ERI3: variants seen among roughly 807,000 people sequenced by gnomAD.
The protein encoded by ERI3 is ERI1 exoribonuclease family member 3.
Under a neutral mutation model 44.4 loss-of-function variants are expected in ERI3, and 18 were observed. The observed-to-expected ratio is 0.41, with a 90% confidence interval of 0.28 to 0.60. ERI3 has a LOEUF of 0.60. Among genes scored for constraint, ERI3 ranks in the 20% least tolerant of loss-of-function variants. The probability of loss-of-function intolerance (pLI) is 0.36; values close to 1 mark genes in which losing one functional copy is unlikely to be tolerated. For synonymous variants in ERI3, 183 were observed against 164.8 expected (o/e 1.11, Z -0.84); for missense variants, 294 against 435.5 (o/e 0.68, Z 2.89).
At chr1:44,281,599 A>ATATAT (rs1197627804) in intron 7 of ERI3, among the ~76,000 whole-genome samples, 23 of 124,310 alleles carry the variant, frequency 1.9e-4, no homozygotes, top group African/African-American at 7.3e-4. Context: ...AAAAAAAAAA[A>ATATAT]AAATATATAT....
rs148781686 is a variant in ERI3 at position 44,296,251 on chromosome 1, AG to A, written c.759-11345del. Among the ~76,000 whole-genome samples, 234 of 152,320 alleles carry A rather than the reference AG, an allele frequency of 1.5e-3. 6 individuals are homozygous for A. In the East Asian group the frequency reaches 0.037, roughly 24 times the overall value. On this transcript the variant is annotated intron_variant, in intron 6 of 8. Transcript: ENST00000372257. ...AGGACAACTGCAGCAATTAGAATGC[AG>A]GGAGGTTCAGAAGCTATTTAACTGG...
intron 2 of ERI3, among the ~76,000 whole-genome samples, chr1:44,346,702 T>C (rs1387526044): frequency 6.6e-6 from 1 of 152,208 alleles, no homozygotes; most frequent in African/African-American, 2.4e-5. Flanking sequence ...GATGGGGAAC[T>C]GCTGTAAAAG....
At chr1:44,229,763 T>C (rs1644132730) in intron 8 of ERI3, among the ~76,000 whole-genome samples, 1 of 5,668 alleles carries the variant, frequency 1.8e-4, no homozygotes, top group Admixed American at 2.4e-3. Context: ...TCTCAGGGGG[T>C]GCATACACCT....
Position 44,221,824 on chromosome 1 carries a change from G to A in ERI3, c.932-184C>T, listed in dbSNP as rs954692609. Among the ~76,000 whole-genome samples, 9 of 152,282 alleles carry A rather than the reference G, an allele frequency of 5.9e-5. No individual in the cohort carries two copies. The highest frequency in any genetic ancestry group is 1.2e-4 in the Non-Finnish European group (8 of 68,022). On this transcript the variant is annotated intron_variant, in intron 8 of 8. Coordinates refer to ENST00000372257, the MANE Select transcript of ERI3 (RefSeq NM_024066.3). The surrounding 1 kb of genome is among the most constrained non-coding windows in gnomAD (Gnocchi z 5.9). ...AGGTTGGTCTGGGTGATGCTGGGCC[G>A]GCAGGAAGCCTGGTCTCGATGCTTC...
intron 3 of ERI3, among the ~76,000 whole-genome samples, chr1:44,334,746 C>T (rs1204375539): frequency 6.6e-6 from 1 of 152,156 alleles, no homozygotes; most frequent in African/African-American, 2.4e-5. Context: ...CAAAAATAAA[C>T]AGCAAAACTG....
chr1:44,293,435 G>A (rs1645549111), intron 6 of ERI3, among the ~76,000 whole-genome samples: 1 of 152,206 alleles, frequency 6.6e-6, no homozygotes, highest in African/African-American at 2.4e-5. Context: ...ATGACCAGCT[G>A]TGCCTTCCTG....
intron 7 of ERI3, among the ~76,000 whole-genome samples, chr1:44,254,698 A>G (rs1644747045): frequency 6.6e-6 from 1 of 152,158 alleles, no homozygotes; most frequent in Non-Finnish European, 1.5e-5. Context: ...TCCTACTTCC[A>G]GAAAGATAAT....
At chr1:44,267,971 G>A (rs1417885939) in intron 7 of ERI3, among the ~76,000 whole-genome samples, 2 of 152,238 alleles carry the variant, frequency 1.3e-5, no homozygotes, top group Non-Finnish European at 2.9e-5. Context: ...GCTCATCGGG[G>A]TAGCTCAAAG....
At chr1:44,250,208 G>A (rs1014232362) in intron 7 of ERI3, among the ~76,000 whole-genome samples, 1 of 152,208 alleles carries the variant, frequency 6.6e-6, no homozygotes, top group African/African-American at 2.4e-5. Flanking sequence ...ACTTGCATTA[G>A]CAGGTGCTGC....
chr1:44,289,965 G>A (rs1645471587), intron 6 of ERI3, among the ~76,000 whole-genome samples: 1 of 152,234 alleles, frequency 6.6e-6, no homozygotes, highest in Non-Finnish European at 1.5e-5. Context: ...ACTGGAAAAG[G>A]CGATGGACAC....
At chr1:44,232,179 C>T (rs983959798) in intron 8 of ERI3, among the ~76,000 whole-genome samples, 36 of 152,012 alleles carry the variant, frequency 2.4e-4, no homozygotes, top group African/African-American at 8.5e-4. Flanking sequence ...CTAACTGATA[C>T]AGAATGTAAA....
chr1:44,222,745 C>T (rs1444089058), intron 8 of ERI3, among the ~76,000 whole-genome samples: 1 of 152,218 alleles, frequency 6.6e-6, no homozygotes. Flanking sequence ...CTTCTCCCAC[C>T]TCCCTTAGAT....
chr1:44,243,815 G>C (rs1644495214), intron 8 of ERI3: 1 of 152,200 alleles, frequency 6.6e-6, no homozygotes, highest in African/African-American at 2.4e-5. Flanking sequence ...AAGCGAGCTT[G>C]TTTTCTTCCA....
At chr1:44,310,955 G>T (rs976620588) in intron 5 of ERI3, among the ~76,000 whole-genome samples, 2 of 72,410 alleles carry the variant, frequency 2.8e-5, no homozygotes, top group Admixed American at 3.4e-4. Flanking sequence ...TGCACATCGC[G>T]CGCGCGCGCA....
At chr1:44,344,064 C>T (rs1446666961) in intron 2 of ERI3, among the ~76,000 whole-genome samples, 1 of 151,840 alleles carries the variant, frequency 6.6e-6, no homozygotes, top group Non-Finnish European at 1.5e-5. Flanking sequence ...CATGGCAAAA[C>T]CCCATCTCTA....
rs140924544 is a variant in ERI3 at position 44,235,284 on chromosome 1, AT to A, written c.931+12654del. ...CTGTTGTACAGCCAAATTCAGGCTC[AT>A]TTGCACCTTGAGTTTTCAAGTCCTC... On this transcript the variant is annotated intron_variant, in intron 8 of 8. Transcript: ENST00000372257. The surrounding 1 kb of genome is among the most constrained non-coding windows in gnomAD (Gnocchi z 4.6). 6.6e-6 allele frequency among the ~76,000 whole-genome samples: 1 copy of A among 152,224 alleles called. No individual in the cohort carries two copies. Among genetic ancestry groups the A allele is most frequent in the African/African-American group, 2.4e-5 (1 of 41,524 alleles).
At chr1:44,290,440 T>C (rs1445830001) in intron 6 of ERI3, among the ~76,000 whole-genome samples, 2 of 152,170 alleles carry the variant, frequency 1.3e-5, no homozygotes, top group Non-Finnish European at 2.9e-5. Context: ...CCACACTTGC[T>C]CATTCCAATA....
intron 6 of ERI3, among the ~76,000 whole-genome samples, chr1:44,301,533 A>T (rs895174616): frequency 6.6e-6 from 1 of 152,194 alleles, no homozygotes; most frequent in African/African-American, 2.4e-5. Context: ...ATAGGACCCA[A>T]ATATGTACTG....
chr1:44,355,048 C>G lies in ERI3; in HGVS notation c.-22G>C. ...CCATGGCAACGCCCCCTCCTCGGGG[C>G]CAGCGCGGCAGGCTCCCTCCAGGTG... On this transcript the variant is annotated 5_prime_UTR_variant, in exon 1 of 9. Transcript: ENST00000372257. 7.3e-7 allele frequency: 1 copy of G among 1,367,216 alleles called. No individual in the cohort carries two copies. The highest frequency in any genetic ancestry group is 2.9e-5 in the East Asian group (1 of 34,964). The allele number at this position is 1,367,216 out of a possible 1,614,324, so 84.7% of individuals were successfully genotyped here.
Sources: gnomAD v4.1 joint callset for allele counts (sites outside exome capture counted in the v4.1 genomes callset) on GRCh38, gnomAD v4.1.1 for gene constraint, Gnocchi (gnomAD v3.1) non-coding constraint, MANE v1.5 for transcripts, NCBI Gene and HGNC (gene_info 2026-07-23, HGNC 2026-07-21) for gene names.